Variants in CPNE4 observed in about 807,000 individuals in gnomAD.
CPNE4 encodes copine-4.
Under a neutral mutation model 67.9 loss-of-function variants are expected in CPNE4, and 25 were observed. The observed-to-expected ratio is 0.37, with a 90% CI of 0.27 to 0.51. CPNE4 has a LOEUF of 0.51. Among genes scored for constraint, CPNE4 ranks in the 20% least tolerant of loss-of-function variants. CPNE4 has a pLI of 0.93. For synonymous variants in CPNE4, 242 were observed against 244.9 expected, an observed-to-expected ratio of 0.99 and a Z score of 0.11; for missense variants, 464 against 690.8, an observed-to-expected ratio of 0.67 and a Z score of 3.68.
At chr3:131,736,852 T>C (rs2082246074) in intron 2 of CPNE4, among the ~76,000 whole-genome samples, 1 of 152,154 alleles carries the variant, frequency 6.6e-6, no homozygotes, top group South Asian at 2.1e-4. Context: ...AGCTCTCCAA[T>C]TGCAGACTTT....
chr3:132,012,189 T>TA (rs1553830414), intron 1 of CPNE4, among the ~76,000 whole-genome samples: 2 of 151,072 alleles, frequency 1.3e-5, no homozygotes, highest in Non-Finnish European at 3.0e-5. Flanking sequence ...TTTTTTTTTT[T>TA]AGACAGTCTC....
intron 2 of CPNE4, among the ~76,000 whole-genome samples, chr3:131,768,588 C>T (rs181627048): frequency 6.6e-6 from 1 of 152,054 alleles, no homozygotes; most frequent in African/African-American, 2.4e-5. Context: ...CAGAAGAGTC[C>T]TGGGGGATGT....
At position 131,550,073 on chromosome 3, in the gene CPNE4, T is replaced by G; in HGVS notation, c.1176A>C (p.Gln392His). The G allele has an allele frequency of 6.2e-7, 1 of 1,612,962 alleles. No individual in the cohort carries two copies. The highest frequency in any genetic ancestry group is 1.1e-5 in the South Asian group (1 of 91,032). ...AGCTCTGATAGGCTTCCACAACTCCTTGAATTCCTGAGGTGAAATTGGCAA... is the reference window on the plus strand; with the variant it reads ...AGCTCTGATAGGCTTCCACAACTCCGTGAATTCCTGAGGTGAAATTGGCAA... The part of the protein sequence containing the change: ...NEDNPECAGI[Q>H]GVVEAYQSCL... Residue 392 changes from glutamine (Q) to histidine (H), a missense_variant, in exon 14 of 16, where the codon CAA (glutamine) becomes CAC (histidine). Coordinates refer to ENST00000429747, the MANE Select transcript of CPNE4 (RefSeq NM_130808.3).
intron 1 of CPNE4, among the ~76,000 whole-genome samples, chr3:132,006,167 T>A (rs1039350473): frequency 6.6e-6 from 1 of 152,058 alleles, no homozygotes; most frequent in Non-Finnish European, 1.5e-5. Flanking sequence ...TCCTTCTATT[T>A]AAGGAAAGTG....
chr3:131,903,118 C>T (rs2088612979), intron 2 of CPNE4, among the ~76,000 whole-genome samples: 1 of 152,020 alleles, frequency 6.6e-6, no homozygotes, highest in Admixed American at 6.6e-5. Context: ...TCTTTTGAAC[C>T]TTCTTTCTCC....
chr3:131,937,115 C>T (rs2071245929), intron 1 of CPNE4, among the ~76,000 whole-genome samples: 2 of 151,984 alleles, frequency 1.3e-5, no homozygotes, highest in African/African-American at 4.8e-5. Flanking sequence ...AATTGTGAAA[C>T]AGAATAATTA....
chr3:131,772,009 A>G (rs2083179111), intron 2 of CPNE4, among the ~76,000 whole-genome samples: 1 of 152,172 alleles, frequency 6.6e-6, no homozygotes, highest in African/African-American at 2.4e-5. Context: ...TTTCTGAGCC[A>G]TCACAGCACT....
At chr3:131,685,757 G>C (rs2080874857) in intron 6 of CPNE4, 118 bp downstream of exon 6, 1 of 660,518 alleles carries the variant, frequency 1.5e-6, no homozygotes, top group Non-Finnish European at 2.6e-6. Flanking sequence ...CTCCAGCCTG[G>C]GTGACACAGC....
chr3:131,552,886 C>G (rs764865639), intron 12 of CPNE4, among the ~76,000 whole-genome samples: 1 of 152,026 alleles, frequency 6.6e-6, no homozygotes, highest in African/African-American at 2.4e-5. Context: ...CAAAAAAACT[C>G]AATAACCCAA....
intron 1 of CPNE4, among the ~76,000 whole-genome samples, chr3:131,928,669 A>G (rs924089544): frequency 2.6e-5 from 4 of 152,220 alleles, no homozygotes; most frequent in Non-Finnish European, 5.9e-5. Flanking sequence ...TGTCCTGTCT[A>G]TGCCTATACT....
At chr3:131,584,487 AAT>A (rs1191521207) in intron 8 of CPNE4, among the ~76,000 whole-genome samples, 1 of 152,150 alleles carries the variant, frequency 6.6e-6, no homozygotes, top group Non-Finnish European at 1.5e-5. Flanking sequence ...ATATCTCCAA[AAT>A]ATGTCTTAAG....
At chr3:131,838,818 T>C (rs140484572) in intron 2 of CPNE4, among the ~76,000 whole-genome samples, 250 of 151,770 alleles carry the variant, frequency 1.6e-3, no homozygotes, top group Non-Finnish European at 2.7e-3. Context: ...TTCGTATACA[T>C]GAATATGTGT....
rs73206090 is a variant in CPNE4, at chr3:131,933,589, C to A, written c.-1-28145G>T. Among the ~76,000 whole-genome samples, 524 of 152,202 alleles carry A rather than the reference C, an allele frequency of 3.4e-3. 4 individuals carry two copies. Among genetic ancestry groups the A allele is most frequent in the Admixed American group, 4.8e-3 (74 of 15,286 alleles). ...GATGTCTACATTCTTATATTCACTG[C>A]AGCATTATTAACAGTAGCCAAGCTA... On this transcript the variant is annotated intron_variant, in intron 1 of 15. Transcript: ENST00000429747.
intron 1 of CPNE4, among the ~76,000 whole-genome samples, chr3:131,930,999 G>T (rs2071044403): frequency 6.6e-6 from 1 of 151,988 alleles, no homozygotes; most frequent in Non-Finnish European, 1.5e-5. Context: ...GGATGGTAAG[G>T]GTGTTGATCA....
chr3:131,694,211 C>A (rs1421605238), intron 5 of CPNE4, among the ~76,000 whole-genome samples: 1 of 151,970 alleles, frequency 6.6e-6, no homozygotes. Flanking sequence ...AAATTAGGAG[C>A]ATTGTTTATT....
chr3:131,752,720 C>T (rs1260181981), intron 2 of CPNE4, among the ~76,000 whole-genome samples: 1 of 152,082 alleles, frequency 6.6e-6, no homozygotes, highest in East Asian at 1.9e-4. Context: ...AAAGACACAA[C>T]ATTTAACTGA....
chr3:131,945,276 T>G (rs527314794), intron 1 of CPNE4, among the ~76,000 whole-genome samples: 1 of 152,218 alleles, frequency 6.6e-6, no homozygotes, highest in Non-Finnish European at 1.5e-5. Context: ...TTCAGAGAGA[T>G]GATAAAACTT....
chr3:131,783,902 C>A (rs529563741), intron 2 of CPNE4, among the ~76,000 whole-genome samples: 1 of 152,116 alleles, frequency 6.6e-6, no homozygotes, highest in African/African-American at 2.4e-5. Flanking sequence ...GCCCAGGGAA[C>A]AACAGAAGTC....
chr3:131,764,803 C>T (rs1436651793), intron 2 of CPNE4, among the ~76,000 whole-genome samples: 1 of 152,070 alleles, frequency 6.6e-6, no homozygotes, highest in Non-Finnish European at 1.5e-5. Context: ...TCTGGACAGG[C>T]TACCAGGGTT....
Sources: allele counts gnomAD v4.1 joint callset (sites outside exome capture counted in the v4.1 genomes callset), GRCh38; gene constraint gnomAD v4.1.1; transcripts MANE v1.5; gene names NCBI Gene and HGNC (gene_info 2026-07-23, HGNC 2026-07-21).